TMEM132C: variants seen among roughly 807,000 people sequenced by gnomAD.
TMEM132C encodes the protein protein phosphatase 1, regulatory subunit 152.
Under a neutral mutation model 61.4 loss-of-function variants are expected in TMEM132C, and 29 were observed. The ratio of observed to expected loss-of-function variants is 0.47; its 90% CI spans 0.35 to 0.64. The LOEUF (loss-of-function observed/expected upper bound fraction) is 0.64. Ranked by LOEUF, TMEM132C falls within the 30% of genes least tolerant of loss-of-function variation. The pLI, the probability that TMEM132C is intolerant of heterozygous loss-of-function variation, is 0.00. For synonymous variants in TMEM132C, 656 were observed against 633.1 expected, an observed-to-expected ratio of 1.04 and a Z score of -0.54; for missense variants, 1,408 against 1,476.9, an observed-to-expected ratio of 0.95 and a Z score of 0.76.
At chr12:128,304,614 AAAG>A (rs1161607852) in intron 1 of TMEM132C, among the ~76,000 whole-genome samples, 3 of 99,462 alleles carry the variant, frequency 3.0e-5, no homozygotes, top group Non-Finnish European at 7.2e-5. Flanking sequence ...GTCTCAAAAA[AAAG>A]AAAGAAAGAA....
intron 1 of TMEM132C, among the ~76,000 whole-genome samples, chr12:128,383,317 T>C (rs569992487): frequency 6.6e-6 from 1 of 152,262 alleles, no homozygotes; most frequent in South Asian, 2.1e-4. Context: ...GTGGATGCAT[T>C]TTCAGCTTTC....
At chr12:128,463,942 T>C (rs913994749) in intron 2 of TMEM132C, among the ~76,000 whole-genome samples, 2 of 152,176 alleles carry the variant, frequency 1.3e-5, no homozygotes, top group East Asian at 3.9e-4. Context: ...GAGTCATAAA[T>C]AAACCTGTAT....
chr12:128,581,481 C>T (rs546204487), intron 3 of TMEM132C, among the ~76,000 whole-genome samples: 4 of 152,270 alleles, frequency 2.6e-5, no homozygotes, highest in African/African-American at 9.6e-5. Flanking sequence ...TTTCACAGCT[C>T]ACTTTGACTT....
chr12:128,452,908 A>G (rs1458059628), intron 2 of TMEM132C, among the ~76,000 whole-genome samples: 3 of 152,208 alleles, frequency 2.0e-5, no homozygotes, highest in Non-Finnish European at 4.4e-5. Context: ...TGAAGATAAT[A>G]TGAAGTTGTA....
chr12:128,462,738 C>T (rs1054848952), intron 2 of TMEM132C, among the ~76,000 whole-genome samples: 6 of 152,044 alleles, frequency 3.9e-5, no homozygotes, highest in African/African-American at 9.7e-5. Flanking sequence ...CCCATATATG[C>T]GTAAGCCACA....
chr12:128,665,724 CA>C (rs113748364), intron 4 of TMEM132C, among the ~76,000 whole-genome samples: 25,490 of 145,136 alleles, frequency 0.18, 2,355 homozygotes, highest in African/African-American at 0.24. Flanking sequence ...CACTCATACA[CA>C]AACACAGGCA....
intron 1 of TMEM132C, among the ~76,000 whole-genome samples, chr12:128,286,319 G>C (rs1871071419): frequency 6.6e-6 from 1 of 152,176 alleles, no homozygotes; most frequent in Non-Finnish European, 1.5e-5. Flanking sequence ...CCTGGATGCA[G>C]GCTTACAAAC....
chr12:128,446,796 T>G (rs1418380161), intron 2 of TMEM132C, among the ~76,000 whole-genome samples: 1 of 152,176 alleles, frequency 6.6e-6, no homozygotes, highest in African/African-American at 2.4e-5. Context: ...TGAAATGACC[T>G]AATAATGCCA....
At chr12:128,613,549 A>G (rs902055) in intron 3 of TMEM132C, among the ~76,000 whole-genome samples, 137,949 of 152,210 alleles carry the variant, frequency 0.91, 63,678 homozygotes, top group East Asian at 1. Context: ...CTAGCAATTC[A>G]TGCTTGAGAT....
chr12:128,318,685 T>C (rs1872228428), intron 1 of TMEM132C, among the ~76,000 whole-genome samples: 1 of 152,250 alleles, frequency 6.6e-6, no homozygotes, highest in Non-Finnish European at 1.5e-5. Context: ...GTATTTCATT[T>C]GCCTCAGCTT....
At chr12:128,584,776 T>G (rs1415441186) in intron 3 of TMEM132C, among the ~76,000 whole-genome samples, 1 of 152,218 alleles carries the variant, frequency 6.6e-6, no homozygotes, top group African/African-American at 2.4e-5. Flanking sequence ...TATTGTCAGC[T>G]GGGTGCTCCA....
chr12:128,379,998 C>T (rs4882751), intron 1 of TMEM132C, among the ~76,000 whole-genome samples: 118,835 of 152,156 alleles, frequency 0.78, 48,242 homozygotes, highest in Non-Finnish European at 0.9. Flanking sequence ...AGTTCTGCCA[C>T]TGAAGAGCCA....
intron 2 of TMEM132C, chr12:128,438,007 T>G (rs561040115): frequency 6.6e-6 from 1 of 152,216 alleles, no homozygotes; most frequent in African/African-American, 2.4e-5. Flanking sequence ...TGGTTTATTA[T>G]CTTCTATGTT....
In TMEM132C at chr12:128,423,272, T is replaced by C. The variant is rs113167372; in HGVS notation, c.974+7652T>C. 2.4e-3 allele frequency among the ~76,000 whole-genome samples: 358 copies of C among 152,244 alleles called. 2 individuals carry two copies. Among genetic ancestry groups the C allele is most frequent in the African/African-American group, 8.1e-3 (335 of 41,552 alleles). On this transcript the variant is annotated intron_variant, in intron 2 of 8. Transcript: ENST00000435159. ...ACAGAAGGTGATGTTCTTTCCTAGC[T>C]GTGGGGTATGGGGACCTCCTGGTTC...
At chr12:128,522,853 C>T (rs1482282853) in intron 2 of TMEM132C, among the ~76,000 whole-genome samples, 5 of 152,068 alleles carry the variant, frequency 3.3e-5, no homozygotes, top group Non-Finnish European at 7.4e-5. Context: ...CTAACCCAGA[C>T]TGTTAAAGAA....
At chr12:128,512,320 T>C (rs1219494009) in intron 2 of TMEM132C, among the ~76,000 whole-genome samples, 1 of 152,138 alleles carries the variant, frequency 6.6e-6, no homozygotes, top group Non-Finnish European at 1.5e-5. Context: ...GCAAGTATGA[T>C]AATATTTTCT....
chr12:128,410,333 CA>C (rs1016614838), intron 1 of TMEM132C, among the ~76,000 whole-genome samples: 1 of 152,058 alleles, frequency 6.6e-6, no homozygotes, highest in Non-Finnish European at 1.5e-5. Flanking sequence ...AAATTGCAAG[CA>C]AACATAATGC....
chr12:128,527,912 T>C (rs1873146350), intron 2 of TMEM132C, among the ~76,000 whole-genome samples: 1 of 152,210 alleles, frequency 6.6e-6, no homozygotes, highest in Non-Finnish European at 1.5e-5. Context: ...TTAACCATTC[T>C]GTGCTTGTGG....
intron 4 of TMEM132C, among the ~76,000 whole-genome samples, chr12:128,639,448 A>ATCATGG (rs142164266): frequency 0.12 from 18,159 of 151,848 alleles, 1,407 homozygotes; most frequent in African/African-American, 0.22. Context: ...GGTGATGATA[A>ATCATGG]TCATGGTCAT....
Sources: allele counts gnomAD v4.1 joint callset (sites outside exome capture counted in the v4.1 genomes callset), GRCh38; gene constraint gnomAD v4.1.1; transcripts MANE v1.5; gene names NCBI Gene and HGNC (gene_info 2026-07-23, HGNC 2026-07-21).